The following KIAA1549 variants were observed in gnomAD, a reference collection of about 807,000 sequenced individuals.
KIAA1549 encodes the protein UPF0606 protein KIAA1549.
In KIAA1549, 70 loss-of-function variants were observed where a neutral mutation model predicts 156.4. That is an observed-to-expected ratio of 0.45 (90% CI 0.37 to 0.55). The LOEUF is 0.55. Among genes scored for constraint, KIAA1549 ranks in the 20% least tolerant of loss-of-function variants. The pLI, the probability that KIAA1549 is intolerant of heterozygous loss-of-function variation, is 0.00. For missense variants in KIAA1549, 2,428 were observed against 2,540.9 expected, an observed-to-expected ratio of 0.96 and a Z score of 0.96; for synonymous variants, 1,103 against 1,066.4, an observed-to-expected ratio of 1.03 and a Z score of -0.67.
At chr7:138,972,592 G>C (rs1814252246) in intron 1 of KIAA1549, among the ~76,000 whole-genome samples, 1 of 151,880 alleles carries the variant, frequency 6.6e-6, no homozygotes, top group South Asian at 2.1e-4. Context: ...TCAAGTGCTA[G>C]AGGACAAAAA....
intron 16 of KIAA1549, among the ~76,000 whole-genome samples, chr7:138,859,614 C>T (rs143022386): frequency 8.3e-4 from 126 of 152,302 alleles, no homozygotes; most frequent in African/African-American, 2.8e-3. Context: ...TTCTTCAACT[C>T]AGGGAGACCA....
At position 138,954,516 on chromosome 7, in the gene KIAA1549, G is replaced by A. The variant is rs1319310757; in HGVS notation, c.187+26567C>T. Among the ~76,000 whole-genome samples, 4 of 152,106 alleles carry A rather than the reference G, an allele frequency of 2.6e-5. No individual in the cohort carries two copies. In the East Asian group the frequency reaches 7.7e-4, roughly 29 times the overall value. The stretch of plus-strand genomic sequence containing the variant: ...CCCTGCCAAAGCGCAGGCTCTCTAC[G>A]ATAGCCTGGGAGAACTCCTCAGGCT... On this transcript the variant is annotated intron_variant, in intron 1 of 19. Coordinates refer to ENST00000422774, the MANE Select transcript of KIAA1549 (RefSeq NM_001164665.2).
intron 17 of KIAA1549, among the ~76,000 whole-genome samples, chr7:138,847,074 G>A (rs1214021780): frequency 6.6e-6 from 1 of 152,114 alleles, no homozygotes; most frequent in Non-Finnish European, 1.5e-5. Context: ...CACAGTCTCT[G>A]GACCATCCAC....
At chr7:138,898,832 G>A in intron 9 of KIAA1549, 123 bp downstream of exon 9, 1 of 801,968 alleles carries the variant, frequency 1.2e-6, no homozygotes. Flanking sequence ...TTAACAACTG[G>A]CACTTCACCA....
Position 138,844,393 on chromosome 7 carries a change from G to T in KIAA1549, c.5376C>A (p.Ala1792=), listed in dbSNP as rs1810011732. ...DPQQPQASAE[A]PFAARGIYSE... ...AGTAGATCCCTCTGGCAGCAAATGGGGCTTCGGCGGAGGCCTGTGGCTGCT... is the reference window on the plus strand; with the variant it reads ...AGTAGATCCCTCTGGCAGCAAATGGTGCTTCGGCGGAGGCCTGTGGCTGCT... The change falls in exon 18 of 20, where the codon GCC becomes GCA. Residue 1792 remains alanine (A), a synonymous_variant. Transcript: ENST00000422774. 2 of 1,609,468 alleles carry T rather than the reference G, an allele frequency of 1.2e-6. No homozygotes were observed. The highest frequency in any genetic ancestry group is 2.2e-5 in the South Asian group (2 of 90,538).
At chr7:138,925,746 C>T (rs1432033483) in intron 1 of KIAA1549, among the ~76,000 whole-genome samples, 1 of 139,638 alleles carries the variant, frequency 7.2e-6, no homozygotes, top group Non-Finnish European at 1.5e-5. Context: ...GGGAGGATCG[C>T]TTGAGCCCAG....
chr7:138,976,691 G>C (rs1814390804), intron 1 of KIAA1549, among the ~76,000 whole-genome samples: 2 of 152,114 alleles, frequency 1.3e-5, no homozygotes, highest in South Asian at 2.1e-4. Flanking sequence ...GCATCCACTG[G>C]GGGTCTTGGA....
intron 1 of KIAA1549, among the ~76,000 whole-genome samples, chr7:138,925,690 C>T (rs920225354): frequency 6.6e-6 from 1 of 151,534 alleles, no homozygotes; most frequent in African/African-American, 2.4e-5. Context: ...ATTAAGTGAG[C>T]ATGGTGGCGA....
At chr7:138,922,958 A>T (rs1022187859) in intron 1 of KIAA1549, among the ~76,000 whole-genome samples, 3 of 149,168 alleles carry the variant, frequency 2.0e-5, no homozygotes, top group Admixed American at 6.6e-5. Context: ...AGGGTGAATT[A>T]AAAAAAAAGA....
intron 10 of KIAA1549, among the ~76,000 whole-genome samples, chr7:138,884,269 C>T (rs911480399): frequency 6.6e-6 from 1 of 151,854 alleles, no homozygotes; most frequent in African/African-American, 2.4e-5. Flanking sequence ...TCACCCTATG[C>T]ATCTCTTCAT....
rs557237781 is a variant in KIAA1549, at chr7:138,918,579, G to A, written c.1047C>T (p.His349=). The A allele has an allele frequency of 8.7e-6, 14 of 1,614,012 alleles. No homozygotes were observed. Among genetic ancestry groups the A allele is most frequent in the Admixed American group, 1.7e-5 (1 of 60,030 alleles). The part of the protein sequence containing the change: ...PRTYPTVTAS[H]AALAFSRTHS... The stretch of plus-strand genomic sequence containing the variant: ...GTGTCCTGCTGAATGCAAGGGCTGC[G>A]TGCGATGCAGTCACAGTGGGGTATG... Residue 349 remains histidine, a synonymous_variant, in exon 2 of 20, where the codon CAC becomes CAT. Coordinates refer to ENST00000422774, the MANE Select transcript of KIAA1549 (RefSeq NM_001164665.2). The surrounding 1 kb of genome is among the most constrained non-coding windows in gnomAD (Gnocchi z 4.2).
chr7:138,957,378 G>A (rs1244105135), intron 1 of KIAA1549, among the ~76,000 whole-genome samples: 1 of 152,112 alleles, frequency 6.6e-6, no homozygotes, highest in African/African-American at 2.4e-5. Context: ...GGAACAAACA[G>A]AAACCCAAAG....
chr7:138,838,267 C>A, intron 19 of KIAA1549, 107 bp from the exon 20 acceptor site: 1 of 1,178,758 alleles, frequency 8.5e-7, no homozygotes, highest in Non-Finnish European at 1.2e-6. Flanking sequence ...GTCCATCCAC[C>A]AACTCAGCCC....
At chr7:138,888,394 T>G (rs967144536) in intron 10 of KIAA1549, among the ~76,000 whole-genome samples, 1 of 152,248 alleles carries the variant, frequency 6.6e-6, no homozygotes, top group Admixed American at 6.5e-5. Flanking sequence ...TACTGGATAC[T>G]GCACATCTGT....
At chr7:138,943,790 A>G (rs1291076555) in intron 1 of KIAA1549, among the ~76,000 whole-genome samples, 1 of 152,126 alleles carries the variant, frequency 6.6e-6, no homozygotes, top group Non-Finnish European at 1.5e-5. Context: ...CAGAGCTTGC[A>G]GTGAGCTGAG....
In KIAA1549 at chr7:138,869,519, G is replaced by C; in HGVS notation, c.4775+19C>G. The C allele has an allele frequency of 1.3e-6, 2 of 1,545,186 alleles. No individual in the cohort carries two copies. Among genetic ancestry groups the C allele is most frequent in the Non-Finnish European group, 1.7e-6 (2 of 1,143,160 alleles). ...CTCTGCGCGCCCGCCCCACCGCCTA[G>C]CGCAGAGCCCCAGCCCACCTCTTCC... is the stretch of plus-strand genomic sequence containing the variant. On this transcript the variant is annotated intron_variant, in intron 14 of 19. Transcript: ENST00000422774.
rs1445272750 is a variant in KIAA1549 at position 138,831,445 on chromosome 7, T to G, written c.*6461A>C. 4.8e-6 allele frequency: 1 copy of G among 206,512 alleles called. No individual in the cohort carries two copies. Among genetic ancestry groups the G allele is most frequent in the African/African-American group, 2.3e-5 (1 of 43,894 alleles). The allele number at this position is 206,512 out of a possible 1,614,324, so 12.8% of individuals were successfully genotyped here. ...AAAATGCTAGGAAAGCTGTATAAAT[T>G]GTAAACATGGAAACCAAATACTTGC... On this transcript the variant is annotated 3_prime_UTR_variant, in exon 20 of 20. Coordinates refer to ENST00000422774, the MANE Select transcript of KIAA1549 (RefSeq NM_001164665.2).
intron 7 of KIAA1549, among the ~76,000 whole-genome samples, chr7:138,904,171 T>C (rs1365322622): frequency 6.6e-6 from 1 of 152,154 alleles, no homozygotes; most frequent in Non-Finnish European, 1.5e-5. Context: ...ACAAACTAAC[T>C]TGAAAAAAGG....
intron 4 of KIAA1549, among the ~76,000 whole-genome samples, chr7:138,910,700 ATTTTT>A (rs10686011): frequency 1.8e-5 from 2 of 112,026 alleles, no homozygotes; most frequent in African/African-American, 7.7e-5. Flanking sequence ...ACTTGGTCTA[ATTTTT>A]TTTTTTTTTT....
Sources: allele counts gnomAD v4.1 joint callset (sites outside exome capture counted in the v4.1 genomes callset), GRCh38; gene constraint gnomAD v4.1.1; non-coding constraint Gnocchi (gnomAD v3.1); transcripts MANE v1.5; gene names NCBI Gene and HGNC (gene_info 2026-07-23, HGNC 2026-07-21).